HECW1: variants seen among roughly 807,000 people sequenced by gnomAD.
The protein encoded by HECW1 is HECT, C2 and WW domain containing E3 ubiquitin protein ligase 1, also known as E3 ubiquitin-protein ligase HECW1.
Under a neutral mutation model 182.3 loss-of-function variants are expected in HECW1, and 61 were observed. The ratio of observed to expected loss-of-function variants is 0.33; its 90% CI spans 0.27 to 0.41. The LOEUF (loss-of-function observed/expected upper bound fraction) is 0.41, where lower values mean the gene tolerates loss of function less well. HECW1 is among the 10% of genes least tolerant of loss of function. The probability of loss-of-function intolerance (pLI) is 1.00; values close to 1 mark genes in which losing one functional copy is unlikely to be tolerated. For synonymous variants in HECW1, 859 were observed against 832.6 expected, an observed-to-expected ratio of 1.03 and a Z score of -0.55; for missense variants, 1,739 against 2,108.9, an observed-to-expected ratio of 0.82 and a Z score of 3.44.
intron 2 of HECW1, among the ~76,000 whole-genome samples, chr7:43,222,117 A>G (rs932978560): frequency 6.6e-6 from 1 of 152,184 alleles, no homozygotes; most frequent in South Asian, 2.1e-4. Context: ...GTCTTGGCAC[A>G]TGAGAATCTC....
At chr7:43,518,045 GA>G (rs1050202728) in intron 24 of HECW1, among the ~76,000 whole-genome samples, 1 of 151,816 alleles carries the variant, frequency 6.6e-6, no homozygotes, top group African/African-American at 2.4e-5. Context: ...GAAAATACGT[GA>G]AAAAAAGGAA....
chr7:43,403,372 T>TGCCCAGAACTTGGTAGATAG (rs2075492022), intron 7 of HECW1, among the ~76,000 whole-genome samples: 1 of 152,164 alleles, frequency 6.6e-6, no homozygotes, highest in East Asian at 1.9e-4. Flanking sequence ...CTGGGAAGGC[T>TGCCCAGAACTTGGTAGATAG]ATGGTATGGT....
rs568414185 is a variant in HECW1, at chr7:43,299,315, C to T, written c.28-12448C>T. 7.5e-4 allele frequency among the ~76,000 whole-genome samples: 114 copies of T among 152,268 alleles called. 1 individual carries two copies. Among genetic ancestry groups the T allele is most frequent in the Non-Finnish European group, 1.3e-3 (89 of 68,028 alleles). On this transcript the variant is annotated intron_variant, in intron 3 of 29. Coordinates refer to ENST00000395891, the MANE Select transcript of HECW1 (RefSeq NM_015052.5). ...GGAGAGGCCGTGGGGCTGGTACCTT[C>T]CCGGTATCTTTGGTGTATATTTGGT...
intron 17 of HECW1, among the ~76,000 whole-genome samples, chr7:43,482,358 T>A (rs1307554522): frequency 2.0e-5 from 3 of 152,228 alleles, no homozygotes; most frequent in African/African-American, 7.2e-5. Flanking sequence ...GTAGGAAATG[T>A]TGACTGCATT....
intron 8 of HECW1, among the ~76,000 whole-genome samples, chr7:43,418,911 G>C (rs1281691648): frequency 1.3e-5 from 2 of 152,098 alleles, no homozygotes; most frequent in East Asian, 1.9e-4. Flanking sequence ...TTTGCTCCAG[G>C]GGGTATTGAT....
At chr7:43,129,020 T>A (rs1458184378) in intron 2 of HECW1, among the ~76,000 whole-genome samples, 1 of 152,250 alleles carries the variant, frequency 6.6e-6, no homozygotes, top group Non-Finnish European at 1.5e-5. Context: ...GCAAGGAAAG[T>A]GATTTCTTGA....
chr7:43,405,536 T>C (rs1417992341), intron 7 of HECW1, among the ~76,000 whole-genome samples: 1 of 152,158 alleles, frequency 6.6e-6, no homozygotes, highest in Non-Finnish European at 1.5e-5. Flanking sequence ...GGAAATGCTG[T>C]CTACCAGGGA....
At chr7:43,556,113 A>C (rs943417569) in intron 29 of HECW1, among the ~76,000 whole-genome samples, 3 of 152,202 alleles carry the variant, frequency 2.0e-5, no homozygotes, top group African/African-American at 7.2e-5. Context: ...AGAGGAGCAC[A>C]GGGGGTAAGA....
At chr7:43,429,315 T>C (rs375157058) in intron 8 of HECW1, among the ~76,000 whole-genome samples, 33 of 97,852 alleles carry the variant, frequency 3.4e-4, no homozygotes, top group Middle Eastern at 6.8e-3. Context: ...TATATATATA[T>C]ATATATATAT....
At chr7:43,524,003 A>G (rs2080647759) in intron 24 of HECW1, among the ~76,000 whole-genome samples, 1 of 148,038 alleles carries the variant, frequency 6.8e-6, no homozygotes, top group Admixed American at 6.6e-5. Flanking sequence ...TATGTTTTTC[A>G]TCTTAAAAAA....
chr7:43,172,492 A>G (rs1311012057), intron 2 of HECW1, among the ~76,000 whole-genome samples: 4 of 151,884 alleles, frequency 2.6e-5, no homozygotes, highest in African/African-American at 9.7e-5. Flanking sequence ...CCATGTATAC[A>G]TCTAGGCAGG....
chr7:43,217,464 T>C (rs1796545647), intron 2 of HECW1, among the ~76,000 whole-genome samples: 1 of 152,236 alleles, frequency 6.6e-6, no homozygotes, highest in South Asian at 2.1e-4. Flanking sequence ...AATGTCTATA[T>C]CAAATTAATG....
At chr7:43,499,153 C>T (rs566183295) in intron 19 of HECW1, among the ~76,000 whole-genome samples, 3 of 151,846 alleles carry the variant, frequency 2.0e-5, no homozygotes, top group South Asian at 2.1e-4. Flanking sequence ...TGGTGGTGTG[C>T]GTTTGTAGTC....
chr7:43,234,003 G>A (rs1363433322), intron 2 of HECW1, among the ~76,000 whole-genome samples: 1 of 152,214 alleles, frequency 6.6e-6, no homozygotes, highest in African/African-American at 2.4e-5. Flanking sequence ...CGCAGGTAGC[G>A]AGATGAGCAG....
Position 43,322,987 on chromosome 7 carries a change from G to C in HECW1, c.460+2245G>C, listed in dbSNP as rs73322357. ...TCCAGAAGATAAATATTAAGGAAGA[G>C]GAAATCCTAGGTGGGAATTTCAATA... On this transcript the variant is annotated intron_variant, in intron 5 of 29. Transcript: ENST00000395891. Among the ~76,000 whole-genome samples the C allele has an allele frequency of 4.5e-3, 688 of 152,290 alleles. 3 individuals carry two copies. The highest frequency in any genetic ancestry group is 0.016 in the African/African-American group (661 of 41,558).
chr7:43,204,335 T>C (rs1795273097), intron 2 of HECW1, among the ~76,000 whole-genome samples: 1 of 152,232 alleles, frequency 6.6e-6, no homozygotes, highest in Non-Finnish European at 1.5e-5. Flanking sequence ...TAGTTGGCAG[T>C]AGATTTTGTT....
At chr7:43,470,431 A>G (rs916128924) in intron 16 of HECW1, among the ~76,000 whole-genome samples, 1 of 152,204 alleles carries the variant, frequency 6.6e-6, no homozygotes, top group Non-Finnish European at 1.5e-5. Context: ...CTTTTGCACC[A>G]AGATAAGGAT....
intron 2 of HECW1, among the ~76,000 whole-genome samples, chr7:43,142,923 G>A (rs1367798489): frequency 6.6e-6 from 1 of 152,168 alleles, no homozygotes; most frequent in Non-Finnish European, 1.5e-5. Flanking sequence ...TCCCAGGCTG[G>A]CTCAGAGTGG....
At chr7:43,496,386 G>A (rs1429578618) in intron 19 of HECW1, among the ~76,000 whole-genome samples, 5 of 151,956 alleles carry the variant, frequency 3.3e-5, no homozygotes, top group Admixed American at 1.3e-4. Context: ...GAAGGCTCAC[G>A]ATGACTATCA....
Sources: gnomAD v4.1 joint callset for allele counts (sites outside exome capture counted in the v4.1 genomes callset) on GRCh38, gnomAD v4.1.1 for gene constraint, MANE v1.5 for transcripts, NCBI Gene and HGNC (gene_info 2026-07-23, HGNC 2026-07-21) for gene names.